Variants in HYAL2 observed in about 807,000 individuals in gnomAD.
HYAL2 encodes the protein hyaluronidase-2.
HYAL2 carries 30 observed loss-of-function variants against 35.4 expected under a neutral mutation model. The ratio of observed to expected loss-of-function variants is 0.85; its 90% CI spans 0.63 to 1.15. The LOEUF is 1.15. Among genes scored for constraint, HYAL2 ranks in the 50% most tolerant of loss-of-function variants. HYAL2 has a pLI of 0.00. For missense variants in HYAL2, 635 were observed against 646.5 expected, an observed-to-expected ratio of 0.98 and a Z score of 0.19; for synonymous variants, 262 against 252.8, an observed-to-expected ratio of 1.04 and a Z score of -0.34.
rs1327209884 is a variant in HYAL2, at chr3:50,320,649, G to T, written c.-46-114C>A. 8.5e-6 allele frequency: 6 copies of T among 703,108 alleles called. No homozygotes were observed. Among genetic ancestry groups the T allele is most frequent in the Non-Finnish European group, 1.4e-5 (6 of 440,494 alleles). The allele number at this position is 703,108 out of a possible 1,614,324, so 43.6% of individuals were successfully genotyped here. ...GTGTGGGGGCACTGTGCTCATGGCTGTAATAGGTTTGAGAGACCACAGGCC... is the reference window on the plus strand; with the variant it reads ...GTGTGGGGGCACTGTGCTCATGGCTTTAATAGGTTTGAGAGACCACAGGCC... On this transcript the variant is annotated intron_variant, in intron 1 of 3. Coordinates refer to ENST00000357750, the MANE Select transcript of HYAL2 (RefSeq NM_003773.5). This position sits in a 1 kb window ranked among gnomAD's most constrained non-coding sequence, Gnocchi z 4.8.
At chr3:50,319,092 G>A in intron 2 of HYAL2, 47 bp from the exon 3 acceptor site, 1 of 1,415,898 alleles carries the variant, frequency 7.1e-7, no homozygotes, top group Non-Finnish European at 9.8e-7. Context: ...AGACCACAGG[G>A]TGACAGGAAC....
In HYAL2 at chr3:50,320,476, G is replaced by C. The variant is rs1702662988; in HGVS notation, c.14C>G (p.Pro5Arg). The change falls in exon 2 of 4, where the codon CCA becomes CGA. Residue 5 changes from proline (P) to arginine (R), a missense_variant. By Grantham distance (103) the Pro-to-Arg change is moderately radical. Transcript: ENST00000357750. This position sits in a 1 kb window ranked among gnomAD's most constrained non-coding sequence, Gnocchi z 4.8. The part of the protein sequence containing the change: MRAG[P>R]GPTVTLALVL... ...CAGGGCCAATGTAACGGTGGGGCCTGGGCCTGCCCGCATGCTGGGGGCTGC... is the reference window on the plus strand; with the variant it reads ...CAGGGCCAATGTAACGGTGGGGCCTCGGCCTGCCCGCATGCTGGGGGCTGC... 1 of 1,539,638 alleles carries C rather than the reference G, an allele frequency of 6.5e-7. No homozygotes were observed. The highest frequency in any genetic ancestry group is 8.7e-7 in the Non-Finnish European group (1 of 1,145,234).
rs1575530219 is a variant in HYAL2, at chr3:50,319,633, T to C, written c.857A>G (p.His286Arg). Residue 286 changes from histidine (H) to arginine (R), a missense_variant, in exon 2 of 4, where the codon CAT becomes CGT. Transcript: ENST00000357750. ...TGTGAAGACGTAGACTGGGAGTGCA[T>C]GGTTGGCATGGTGGGTGCGAGCCAC... Reference protein sequence around the residue: ...LRVARTHHANHALPVYVFTRP... With the variant: ...LRVARTHHANRALPVYVFTRP... The C allele has an allele frequency of 1.9e-6, 3 of 1,613,692 alleles. No individual in the cohort carries two copies. The highest frequency in any genetic ancestry group is 2.5e-6 in the Non-Finnish European group (3 of 1,179,998).
At position 50,318,802 on chromosome 3, in the gene HYAL2, C is replaced by T. The variant is rs879962742; in HGVS notation, c.1011+154G>A. 13 of 728,008 alleles carry T rather than the reference C, an allele frequency of 1.8e-5. No individual in the cohort carries two copies. The highest frequency in any genetic ancestry group is 1.2e-4 in the African/African-American group (7 of 57,718). 45.1% of individuals were successfully genotyped at this position (728,008 alleles called of 1,614,324 possible). ...ATTTCCTCTTTCCTGAGAGCAGGGC[C>T]GGGGTGACCTCCTCCTGTTGCCACC... On this transcript the variant is annotated intron_variant, in intron 3 of 3. Transcript: ENST00000357750. This position sits in a 1 kb window ranked among gnomAD's most constrained non-coding sequence, Gnocchi z 4.5.
rs782442940 is a variant in HYAL2, at chr3:50,319,065, G to C, written c.922-20C>G. 6.4e-7 allele frequency: 1 copy of C among 1,563,010 alleles called. No individual in the cohort carries two copies. The highest frequency in any genetic ancestry group is 1.1e-5 in the South Asian group (1 of 88,470). Reference sequence around the variant, plus strand: ...GTCCATCTATGCAGGAAAAGGGATGGTCACTGGGGAAGACTGAGACCACAG... The same window carrying C: ...GTCCATCTATGCAGGAAAAGGGATGCTCACTGGGGAAGACTGAGACCACAG... On this transcript the variant is annotated intron_variant, in intron 2 of 3. Transcript: ENST00000357750.
chr3:50,318,033 C>T lies in HYAL2; in HGVS notation c.*96G>A. The T allele has an allele frequency of 1.5e-6, 2 of 1,375,422 alleles. No homozygotes were observed. The highest frequency in any genetic ancestry group is 2.8e-5 in the South Asian group (2 of 70,734). The allele number at this position is 1,375,422 out of a possible 1,614,324, so 85.2% of individuals were successfully genotyped here. A position where few individuals can be genotyped will look rare whatever the true frequency, so the allele number is the denominator to read the frequency against. On this transcript the variant is annotated 3_prime_UTR_variant, in exon 4 of 4. Coordinates refer to ENST00000357750, the MANE Select transcript of HYAL2 (RefSeq NM_003773.5). This position sits in a 1 kb window ranked among gnomAD's most constrained non-coding sequence, Gnocchi z 4.5. ...GGGCTTCCTGGGGGCTCTGCCCACTCCAGACTCCAGTTTGTCCACCCCCTG... is the reference window on the plus strand; with the variant it reads ...GGGCTTCCTGGGGGCTCTGCCCACTTCAGACTCCAGTTTGTCCACCCCCTG...
At position 50,322,257 on chromosome 3, in the gene HYAL2, A is replaced by C. The variant is rs587669377; in HGVS notation, c.-47+396T>G. On this transcript the variant is annotated intron_variant, in intron 1 of 3. Coordinates refer to ENST00000357750, the MANE Select transcript of HYAL2 (RefSeq NM_003773.5). The surrounding 1 kb of genome is among the most constrained non-coding windows in gnomAD (Gnocchi z 5.5). ...TGACTCGCATCAGGGCGGGACAGTC[A>C]TCCCTGAGATCCCGTCCTTTTCTGC... is the stretch of plus-strand genomic sequence containing the variant. 6.6e-6 allele frequency: 1 copy of C among 152,232 alleles called. No homozygotes were observed. Among genetic ancestry groups the C allele is most frequent in the African/African-American group, 2.4e-5 (1 of 41,534 alleles). The allele number at this position is 152,232 out of a possible 1,614,324, so 9.4% of individuals were successfully genotyped here. A position where few individuals can be genotyped will look rare whatever the true frequency, so the allele number is the denominator to read the frequency against.
At position 50,318,663 on chromosome 3, in the gene HYAL2, A is replaced by C; in HGVS notation, c.1012-124T>G. 3 of 937,044 alleles carry C rather than the reference A, an allele frequency of 3.2e-6. No homozygotes were observed. The highest frequency in any genetic ancestry group is 4.8e-6 in the Non-Finnish European group (3 of 629,066). The allele number at this position is 937,044 out of a possible 1,614,324, so 58.0% of individuals were successfully genotyped here. A position where few individuals can be genotyped will look rare whatever the true frequency, so the allele number is the denominator to read the frequency against. On this transcript the variant is annotated intron_variant, in intron 3 of 3. Coordinates refer to ENST00000357750, the MANE Select transcript of HYAL2 (RefSeq NM_003773.5). This position sits in a 1 kb window ranked among gnomAD's most constrained non-coding sequence, Gnocchi z 4.5. ...TTAACTGCACACATTCATACATTCA[A>C]TCTGCACCTGAGCCACACAGTCCCT...
At position 50,320,939 on chromosome 3, in the gene HYAL2, G is replaced by C. The variant is rs1243877084; in HGVS notation, c.-46-404C>G. 1 of 158,600 alleles carries C rather than the reference G, an allele frequency of 6.3e-6. No individual in the cohort carries two copies. The allele number at this position is 158,600 out of a possible 1,614,324, so 9.8% of individuals were successfully genotyped here. On this transcript the variant is annotated intron_variant, in intron 1 of 3. Transcript: ENST00000357750. The surrounding 1 kb of genome is among the most constrained non-coding windows in gnomAD (Gnocchi z 4.8). ...AAACGACAGCATTTGGGTAAAGCAGGGAACAGCTCGTCAAGAGGCTACGAA... is the reference window on the plus strand; with the variant it reads ...AAACGACAGCATTTGGGTAAAGCAGCGAACAGCTCGTCAAGAGGCTACGAA...
chr3:50,320,642 C>T lies in HYAL2; in HGVS notation c.-46-107G>A, dbSNP rs1553716546. 1.4e-6 allele frequency: 1 copy of T among 729,516 alleles called. No individual in the cohort carries two copies. The highest frequency in any genetic ancestry group is 1.8e-5 in the African/African-American group (1 of 56,420). The allele number at this position is 729,516 out of a possible 1,614,324, so 45.2% of individuals were successfully genotyped here. ...CCATGCTGTGTGGGGGCACTGTGCT[C>T]ATGGCTGTAATAGGTTTGAGAGACC... On this transcript the variant is annotated intron_variant, in intron 1 of 3. Coordinates refer to ENST00000357750, the MANE Select transcript of HYAL2 (RefSeq NM_003773.5). This position sits in a 1 kb window ranked among gnomAD's most constrained non-coding sequence, Gnocchi z 4.8.
In HYAL2 at chr3:50,319,887, G is replaced by A. The variant is rs1553716289; in HGVS notation, c.603C>T (p.His201=). 1 of 1,613,696 alleles carries A rather than the reference G, an allele frequency of 6.2e-7. No individual in the cohort carries two copies. Among genetic ancestry groups the A allele is most frequent in the East Asian group, 2.2e-5 (1 of 44,886 alleles). ...CAGGAAAGAGGTAGAAGCCCCAGAG[G>A]TGCCGGGGCCGCACTGCCTTGACAT... ...LRYVKAVRPR[H]LWGFYLFPDC... Residue 201 remains histidine (H), a synonymous_variant, in exon 2 of 4, where the codon CAC becomes CAT. Coordinates refer to ENST00000357750, the MANE Select transcript of HYAL2 (RefSeq NM_003773.5).
At position 50,318,957 on chromosome 3, in the gene HYAL2, G is replaced by A. The variant is rs201976155; in HGVS notation, c.1010C>T (p.Thr337Met). The A allele has an allele frequency of 8.1e-6, 13 of 1,613,218 alleles. No individual in the cohort carries two copies. The highest frequency in any genetic ancestry group is 2.2e-5 in the East Asian group (1 of 44,868). Reference sequence around the variant, plus strand: ...TCTGGCAGGCTGGGTCTCGCTTACCGTGCTTGTGGTGTACCCCGCGTCACC... The same window carrying A: ...TCTGGCAGGCTGGGTCTCGCTTACCATGCTTGTGGTGTACCCCGCGTCACC... Reference protein sequence around the residue: ...LWGDAGYTTSTETCQYLKDYL... With the variant: ...LWGDAGYTTSMETCQYLKDYL... Residue 337 changes from threonine (T) to methionine (M), a missense_variant and splice_region_variant, in exon 3 of 4, where the codon ACG becomes ATG. By Grantham distance (81) the Thr-to-Met change is moderately conservative. Transcript: ENST00000357750. The surrounding 1 kb of genome is among the most constrained non-coding windows in gnomAD (Gnocchi z 4.5).
At position 50,317,984 on chromosome 3, in the gene HYAL2, G is replaced by A. The variant is rs1702593523; in HGVS notation, c.*145C>T. 1.2e-6 allele frequency: 1 copy of A among 814,480 alleles called. No individual in the cohort carries two copies. The highest frequency in any genetic ancestry group is 1.9e-6 in the Non-Finnish European group (1 of 514,122). The allele number at this position is 814,480 out of a possible 1,614,324, so 50.5% of individuals were successfully genotyped here. On this transcript the variant is annotated 3_prime_UTR_variant, in exon 4 of 4. Coordinates refer to ENST00000357750, the MANE Select transcript of HYAL2 (RefSeq NM_003773.5). Reference sequence around the variant, plus strand: ...CCCCTCCCCCTTAGAACAGGGGGGTGCGAGCTGGTATGGATGCCCTCCTGG... The same window carrying A: ...CCCCTCCCCCTTAGAACAGGGGGGTACGAGCTGGTATGGATGCCCTCCTGG...
chr3:50,320,536 C>G lies in HYAL2; in HGVS notation c.-46-1G>C. The G allele has an allele frequency of 6.8e-7, 1 of 1,464,784 alleles. No homozygotes were observed. Among genetic ancestry groups the G allele is most frequent in the Non-Finnish European group, 9.0e-7 (1 of 1,107,916 alleles). The allele number at this position is 1,464,784 out of a possible 1,614,324, so 90.7% of individuals were successfully genotyped here. ...CACCTGCCTGGCACCAGCTCAGGAA[C>G]TGGAAGAAGGGTTGGGGAGAACAAG... On this transcript the variant is annotated splice_acceptor_variant, in intron 1 of 3. Coordinates refer to ENST00000357750, the MANE Select transcript of HYAL2 (RefSeq NM_003773.5). LOFTEE classifies it low-confidence loss of function (5UTR_SPLICE). The surrounding 1 kb of genome is among the most constrained non-coding windows in gnomAD (Gnocchi z 4.8).
At position 50,318,861 on chromosome 3, in the gene HYAL2, C is replaced by T; in HGVS notation, c.1011+95G>A. On this transcript the variant is annotated intron_variant, in intron 3 of 3. Coordinates refer to ENST00000357750, the MANE Select transcript of HYAL2 (RefSeq NM_003773.5). The surrounding 1 kb of genome is among the most constrained non-coding windows in gnomAD (Gnocchi z 4.5). ...CTCGGGTGGGAGACAGACAAGGGGA[C>T]CAGACTAGGATTGCCCACCTGAGGT... is the stretch of plus-strand genomic sequence containing the variant. 9.2e-7 allele frequency: 1 copy of T among 1,085,328 alleles called. No individual in the cohort carries two copies. The highest frequency in any genetic ancestry group is 1.4e-6 in the Non-Finnish European group (1 of 708,732). The allele number at this position is 1,085,328 out of a possible 1,614,324, so 67.2% of individuals were successfully genotyped here.
Position 50,320,621 on chromosome 3 carries a change from G to A in HYAL2, c.-46-86C>T, listed in dbSNP as rs1206633019. ...GCCCATCTATGCTCCCAAAGCCCATGCTGTGTGGGGGCACTGTGCTCATGG... is the reference window on the plus strand; with the variant it reads ...GCCCATCTATGCTCCCAAAGCCCATACTGTGTGGGGGCACTGTGCTCATGG... On this transcript the variant is annotated intron_variant, in intron 1 of 3. Coordinates refer to ENST00000357750, the MANE Select transcript of HYAL2 (RefSeq NM_003773.5). This position sits in a 1 kb window ranked among gnomAD's most constrained non-coding sequence, Gnocchi z 4.8. 3.6e-6 allele frequency: 3 copies of A among 841,792 alleles called. No individual in the cohort carries two copies. The highest frequency in any genetic ancestry group is 5.4e-6 in the Non-Finnish European group (3 of 560,200). The allele number at this position is 841,792 out of a possible 1,614,324, so 52.1% of individuals were successfully genotyped here.
chr3:50,320,189 GC>G lies in HYAL2; in HGVS notation c.300del (p.Pro101HisfsTer58). On this transcript the variant is annotated frameshift_variant, in exon 2 of 4. Transcript: ENST00000357750. LOFTEE classifies it high-confidence loss of function. This position sits in a 1 kb window ranked among gnomAD's most constrained non-coding sequence, Gnocchi z 4.8. ...TGTGCCCAAAGGCTGACATTCTGTG[GC>G]ACACCACCATGCACAGACCTTCCGG... ...DSAGRSVHGG[V>X]PQNVSLWAHR... 1 of 1,613,934 alleles carries G rather than the reference GC, an allele frequency of 6.2e-7. No homozygotes were observed. Among genetic ancestry groups the G allele is most frequent in the Non-Finnish European group, 8.5e-7 (1 of 1,180,046 alleles).
chr3:50,320,075 G>T lies in HYAL2; in HGVS notation c.415C>A (p.Pro139Thr). The T allele has an allele frequency of 1.2e-6, 2 of 1,613,542 alleles. No individual in the cohort carries two copies. Among genetic ancestry groups the T allele is most frequent in the Non-Finnish European group, 8.5e-7 (1 of 1,180,026 alleles). ...TCCTGCCAGTTGCGCACCCACACAGGTCGCCAGTCCTCCCAGTCGATGACC... is the reference window on the plus strand; with the variant it reads ...TCCTGCCAGTTGCGCACCCACACAGTTCGCCAGTCCTCCCAGTCGATGACC... ...LAVIDWEDWR[P>T]VWVRNWQDKD... Residue 139 changes from proline (P) to threonine (T), a missense_variant, in exon 2 of 4, where the codon CCT becomes ACT. Transcript: ENST00000357750. The surrounding 1 kb of genome is among the most constrained non-coding windows in gnomAD (Gnocchi z 4.8).
chr3:50,318,246 AC>A lies in HYAL2; in HGVS notation c.1304del (p.Gly435ValfsTer58). The A allele has an allele frequency of 3.1e-6, 5 of 1,613,560 alleles. No homozygotes were observed. The highest frequency in any genetic ancestry group is 4.2e-6 in the Non-Finnish European group (5 of 1,180,032). Reference sequence around the variant, plus strand: ...GCCTATGGTCCCACTGGCATTGCTCACCACTCCAGCCCAAGTAGCACTGGCA... The same window carrying A: ...GCCTATGGTCCCACTGGCATTGCTCACACTCCAGCCCAAGTAGCACTGGCA... Reference protein sequence around the residue: ...FRCQCYLGWSGEQCQWDHRQA... With the variant: ...FRCQCYLGWSXEQCQWDHRQA... On this transcript the variant is annotated frameshift_variant, in exon 4 of 4. Coordinates refer to ENST00000357750, the MANE Select transcript of HYAL2 (RefSeq NM_003773.5). LOFTEE classifies it low-confidence loss of function (END_TRUNC). The surrounding 1 kb of genome is among the most constrained non-coding windows in gnomAD (Gnocchi z 4.5).
Sources: gnomAD v4.1 joint callset for allele counts on GRCh38, gnomAD v4.1.1 for gene constraint, Gnocchi (gnomAD v3.1) non-coding constraint, MANE v1.5 for transcripts, NCBI Gene and HGNC (gene_info 2026-07-23, HGNC 2026-07-21) for gene names.